S100A8: variants seen among roughly 807,000 people sequenced by gnomAD.
S100A8 encodes S100 calcium binding protein A8, also known as protein S100-A8.
S100A8 carries 1 observed loss-of-function variant against 4.2 expected under a neutral mutation model. That is an observed-to-expected ratio of 0.24 (90% CI 0.08 to 1.12). The LOEUF (loss-of-function observed/expected upper bound fraction) is 1.12. Among genes scored for constraint, S100A8 ranks in the 50% most tolerant of loss-of-function variants. The pLI, the probability that S100A8 is intolerant of heterozygous loss-of-function variation, is 0.53. For synonymous variants in S100A8, 41 were observed against 44.7 expected, an observed-to-expected ratio of 0.92 and a Z score of 0.33; for missense variants, 96 against 111.8, an observed-to-expected ratio of 0.86 and a Z score of 0.64.
the S100A8 span, among the ~76,000 whole-genome samples, chr1:153,408,354 A>G: frequency 6.6e-6 from 1 of 152,354 alleles, no homozygotes; most frequent in Non-Finnish European, 1.5e-5. Context: ...AGCCAATTTG[A>G]TCAACAGGAA....
the S100A8 span, among the ~76,000 whole-genome samples, chr1:153,411,132 C>T: frequency 3.3e-5 from 5 of 152,150 alleles, no homozygotes; most frequent in African/African-American, 2.4e-5. Context: ...CTGGCCAGGG[C>T]AATCAGGCAG....
upstream of S100A8, among the ~76,000 whole-genome samples, chr1:153,395,175 A>G (rs74944725): frequency 3.0e-3 from 459 of 152,162 alleles, 11 homozygotes; most frequent in East Asian, 0.05. Flanking sequence ...CCTCACATCC[A>G]TCATCATGTT....
chr1:153,419,238 C>A, the S100A8 span: 1 of 1,614,192 alleles, frequency 6.2e-7, no homozygotes, highest in South Asian at 1.1e-5. Context: ...TCTGTCCTTG[C>A]TGGGAGACAT....
the S100A8 span, among the ~76,000 whole-genome samples, chr1:153,403,161 A>C: frequency 6.6e-6 from 1 of 152,216 alleles, no homozygotes; most frequent in South Asian, 2.1e-4. Context: ...AAAGATATTC[A>C]AGACCTCAGT....
At chr1:153,419,337 AC>A in the S100A8 span, 2 of 1,597,686 alleles carry the variant, frequency 1.3e-6, no homozygotes, top group East Asian at 2.2e-5. Context: ...GCCTCCAGAG[AC>A]CCCAGGAACA....
chr1:153,418,926 C>G, the S100A8 span, among the ~76,000 whole-genome samples: 1 of 152,108 alleles, frequency 6.6e-6, no homozygotes, highest in Non-Finnish European at 1.5e-5. Context: ...ACCTGCCTCC[C>G]ATCCTGAGGT....
the S100A8 span, among the ~76,000 whole-genome samples, chr1:153,399,777 G>A: frequency 6.6e-6 from 1 of 152,116 alleles, no homozygotes; most frequent in South Asian, 2.1e-4. Context: ...TTAGGGAGGC[G>A]ATATTTCAGC....
At chr1:153,419,110 G>C in the S100A8 span, 66 of 1,606,864 alleles carry the variant, frequency 4.1e-5, 1 homozygote, top group African/African-American at 7.0e-4. Flanking sequence ...GTTTGTGATT[G>C]AATTTTTCTA....
At chr1:153,414,558 A>AGAT in the S100A8 span, among the ~76,000 whole-genome samples, 1 of 152,238 alleles carries the variant, frequency 6.6e-6, no homozygotes. Flanking sequence ...AACAACAATG[A>AGAT]GATACCAGTA....
the S100A8 span, among the ~76,000 whole-genome samples, chr1:153,417,028 G>C: frequency 2.6e-5 from 4 of 152,240 alleles, no homozygotes; most frequent in Admixed American, 6.5e-5. Context: ...ACAGGGCTTG[G>C]CCTCTGGCCT....
the S100A8 span, among the ~76,000 whole-genome samples, chr1:153,405,234 C>T: frequency 6.6e-6 from 1 of 151,838 alleles, no homozygotes; most frequent in Admixed American, 6.6e-5. Context: ...GGGTCACTTC[C>T]TAGCACTGTC....
the S100A8 span, among the ~76,000 whole-genome samples, chr1:153,412,458 G>A: frequency 8.5e-5 from 13 of 152,148 alleles, no homozygotes; most frequent in Middle Eastern, 3.2e-3. Context: ...TTAGAATGGC[G>A]ATCATTAAAA....
chr1:153,408,528 A>G, the S100A8 span, among the ~76,000 whole-genome samples: 1 of 152,226 alleles, frequency 6.6e-6, no homozygotes, highest in Non-Finnish European at 1.5e-5. Context: ...GAGGAGGAGA[A>G]TGGAACCAAG....
the S100A8 span, chr1:153,418,146 G>T: frequency 6.2e-7 from 1 of 1,614,032 alleles, no homozygotes; most frequent in Admixed American, 1.7e-5. Context: ...CAAATACACC[G>T]GACGTGATGG....
upstream of S100A8, among the ~76,000 whole-genome samples, chr1:153,393,938 C>T (rs1178998637): frequency 6.6e-6 from 1 of 152,194 alleles, no homozygotes; most frequent in Non-Finnish European, 1.5e-5. Flanking sequence ...CATGTACAGG[C>T]TGACCAGCAA....
chr1:153,408,460 AGAAATATGGGACTAT>A, the S100A8 span, among the ~76,000 whole-genome samples: 2 of 152,242 alleles, frequency 1.3e-5, no homozygotes, highest in Non-Finnish European at 2.9e-5. Context: ...AAAGCCTCCA[AGAAATATGGGACTAT>A]GTGAAAAGAC....
At position 153,390,389 on chromosome 1, in the gene S100A8, C is replaced by T. The variant is rs769263523; in HGVS notation, c.141+6G>A. ...AGAGCCCCCGCCACACCCAGCCCCT[C>T]CTCACCCTGATATACTGAGGACACT... On this transcript the variant is annotated splice_donor_region_variant and intron_variant, in intron 2 of 2. Coordinates refer to ENST00000368733, the MANE Select transcript of S100A8 (RefSeq NM_002964.5). The T allele has an allele frequency of 6.2e-7, 1 of 1,614,136 alleles. No individual in the cohort carries two copies. The highest frequency in any genetic ancestry group is 8.5e-7 in the Non-Finnish European group (1 of 1,179,988).
the S100A8 span, among the ~76,000 whole-genome samples, chr1:153,403,033 A>G: frequency 6.6e-6 from 1 of 152,230 alleles, no homozygotes; most frequent in African/African-American, 2.4e-5. Flanking sequence ...ATTTTACTGG[A>G]TCAACTGGAT....
At chr1:153,394,994 G>A (rs938870688), upstream of S100A8, among the ~76,000 whole-genome samples, 1 of 152,186 alleles carries the variant, frequency 6.6e-6, no homozygotes, top group African/African-American at 2.4e-5. Flanking sequence ...ATTTCCTGAA[G>A]GCAGAGGAGA....
Sources: allele counts gnomAD v4.1 joint callset (sites outside exome capture counted in the v4.1 genomes callset), GRCh38; gene constraint gnomAD v4.1.1; transcripts MANE v1.5; gene names NCBI Gene and HGNC (gene_info 2026-07-23, HGNC 2026-07-21).